The following NUP205 variants were observed in gnomAD, a reference collection of about 807,000 sequenced individuals.
The protein encoded by NUP205 is nucleoporin 205, also known as nuclear pore complex protein Nup205.
Under a neutral mutation model 253.8 loss-of-function variants are expected in NUP205, and 76 were observed. The observed-to-expected ratio is 0.30, with a 90% CI of 0.25 to 0.36. NUP205 has a LOEUF of 0.36. Among genes scored for constraint, NUP205 ranks in the 10% least tolerant of loss-of-function variants. The pLI is 1.00. For synonymous variants in NUP205, 832 were observed against 850.1 expected, an observed-to-expected ratio of 0.98 and a Z score of 0.37; for missense variants, 2,162 against 2,425.5, an observed-to-expected ratio of 0.89 and a Z score of 2.28.
intron 8 of NUP205, among the ~76,000 whole-genome samples, chr7:135,586,457 C>T (rs977587478): frequency 6.6e-6 from 1 of 151,958 alleles, no homozygotes; most frequent in African/African-American, 2.4e-5. Flanking sequence ...ATTTTCTTCC[C>T]TCTGCCTTGG....
In NUP205 at chr7:135,601,106, A is replaced by G. The variant is rs550962331; in HGVS notation, c.2374+137A>G. ...TTGTTTCATTGTTTTAATCATTTTA[A>G]TTTTTCTGTTCAAGAGAAAAAATTA... On this transcript the variant is annotated intron_variant, in intron 16 of 42. Coordinates refer to ENST00000285968, the MANE Select transcript of NUP205 (RefSeq NM_015135.3). 1.5e-5 allele frequency: 9 copies of G among 601,160 alleles called. No homozygotes were observed. The South Asian group carries it at 2.7e-4, about 18-fold the overall frequency. The allele number at this position is 601,160 out of a possible 1,614,324, so 37.2% of individuals were successfully genotyped here.
intron 22 of NUP205, 93 bp downstream of exon 22, chr7:135,607,464 T>G: frequency 1.5e-6 from 2 of 1,335,422 alleles, no homozygotes; most frequent in Non-Finnish European, 2.0e-6. Flanking sequence ...ACAGCAGGAC[T>G]TAGTTGAAAT....
chr7:135,634,951 G>C (rs1794780569), intron 35 of NUP205, among the ~76,000 whole-genome samples: 1 of 152,160 alleles, frequency 6.6e-6, no homozygotes, highest in African/African-American at 2.4e-5. Flanking sequence ...AATTTGAGTG[G>C]CTAGGATAGG....
chr7:135,631,395 GA>G (rs1447613642), intron 35 of NUP205, among the ~76,000 whole-genome samples: 1 of 152,110 alleles, frequency 6.6e-6, no homozygotes, highest in Non-Finnish European at 1.5e-5. Context: ...TGCGAGTAAG[GA>G]AAAACATTAT....
Position 135,604,412 on chromosome 7 carries a change from C to T in NUP205, c.2775C>T (p.Cys925=). The change falls in exon 19 of 43, where the codon TGC becomes TGT. Residue 925 remains cysteine (C), a synonymous_variant. Coordinates refer to ENST00000285968, the MANE Select transcript of NUP205 (RefSeq NM_015135.3). The part of the protein sequence containing the change: ...ESAKILCCIS[C]NSNIQIKLVG... ...CCAAGATCCTCTGTTGTATCTCTTG[C>T]AACTCTAATATTCAGATAAAGTTGG... The T allele has an allele frequency of 1.2e-6, 2 of 1,612,704 alleles. No homozygotes were observed. Among genetic ancestry groups the T allele is most frequent in the Non-Finnish European group, 8.5e-7 (1 of 1,179,144 alleles).
intron 10 of NUP205, among the ~76,000 whole-genome samples, chr7:135,589,095 CG>C (rs1563118366): frequency 6.7e-6 from 1 of 150,056 alleles, no homozygotes; most frequent in East Asian, 1.9e-4. Flanking sequence ...CGTTGAGCCC[CG>C]GGGTTTGAGG....
intron 28 of NUP205, 131 bp downstream of exon 28, chr7:135,618,734 CT>C (rs149087637): frequency 2.8e-6 from 2 of 721,262 alleles, no homozygotes; most frequent in African/African-American, 1.8e-5. Context: ...AACGTTAAGA[CT>C]TTCCTTGAGA....
chr7:135,599,226 A>C (rs747177808), intron 15 of NUP205, among the ~76,000 whole-genome samples: 25 of 152,056 alleles, frequency 1.6e-4, no homozygotes, highest in Non-Finnish European at 2.5e-4. Context: ...ATGTCCTAAG[A>C]TATTCTTTGA....
intron 36 of NUP205, among the ~76,000 whole-genome samples, chr7:135,637,331 C>T (rs1396067217): frequency 1.3e-5 from 2 of 152,232 alleles, no homozygotes; most frequent in Non-Finnish European, 2.9e-5. Flanking sequence ...CGGCTAACCT[C>T]TGGATATACT....
chr7:135,570,313 G>A (rs778832920), intron 1 of NUP205, among the ~76,000 whole-genome samples: 49 of 151,656 alleles, frequency 3.2e-4, no homozygotes, highest in Non-Finnish European at 6.3e-4. Flanking sequence ...TCCTGGGTTC[G>A]AGTGATTTCT....
At position 135,561,968 on chromosome 7, in the gene NUP205, A is replaced by G. The variant is rs995438980; in HGVS notation, c.28+3996A>G. Among the ~76,000 whole-genome samples, 91 of 149,362 alleles carry G rather than the reference A, an allele frequency of 6.1e-4. 1 individual carries two copies. Among genetic ancestry groups the G allele is most frequent in the Non-Finnish European group, 1.8e-4 (12 of 67,598 alleles). The stretch of plus-strand genomic sequence containing the variant: ...CCCTCCCTCACTCTGCCCAGGCTGG[A>G]GTGCAGTGGTGCAGTCTCGGCTCAC... On this transcript the variant is annotated intron_variant, in intron 1 of 42. Transcript: ENST00000285968.
rs887680563 is a variant in NUP205, at chr7:135,630,936, TG to T, written c.5059+467del. ...ACAAGACTCCGTCTCTGTTTTGTTT[TG>T]TTTTTTTTTTTTAAGATATAGGCTT... On this transcript the variant is annotated intron_variant, in intron 35 of 42. Transcript: ENST00000285968. Among the ~76,000 whole-genome samples the T allele has an allele frequency of 7.5e-5, 11 of 147,468 alleles. No homozygotes were observed. In the South Asian group the frequency reaches 1.6e-3, roughly 22 times the overall value.
chr7:135,631,950 C>T (rs1030439138), intron 35 of NUP205, among the ~76,000 whole-genome samples: 18 of 151,972 alleles, frequency 1.2e-4, no homozygotes, highest in African/African-American at 3.6e-4. Context: ...GGGGTTTCAC[C>T]GTGTTAGCCA....
At chr7:135,628,452 C>T (rs1262865527) in intron 34 of NUP205, among the ~76,000 whole-genome samples, 1 of 152,132 alleles carries the variant, frequency 6.6e-6, no homozygotes, top group Non-Finnish European at 1.5e-5. Context: ...GAGGGCTATG[C>T]TAGGCCTTGC....
At chr7:135,567,425 CAAAAAAAAA>C (rs760535798) in intron 1 of NUP205, among the ~76,000 whole-genome samples, 1 of 65,024 alleles carries the variant, frequency 1.5e-5, no homozygotes, top group Admixed American at 2.0e-4. Context: ...CTGTCTATAC[CAAAAAAAAA>C]AAAAAAAAAA....
rs202172825 is a variant in NUP205 at position 135,645,481 on chromosome 7, C to T, written c.5697C>T (p.Thr1899=). The T allele has an allele frequency of 1.6e-5, 26 of 1,613,682 alleles. No individual in the cohort carries two copies. In the Admixed American group the frequency reaches 3.2e-4, roughly 20 times the overall value. ...GCTCTGGTATAGTTATCATAGAGAC[C>T]TGCCTATTTATTCTTTGGCGCCATC... The part of the protein sequence containing the change: ...LLSLCSFIIE[T]CLFILWRHLE... Residue 1899 remains threonine (T), a synonymous_variant, in exon 41 of 43, where the codon ACC becomes ACT. Transcript: ENST00000285968.
At chr7:135,621,492 AT>A (rs1342292035) in intron 30 of NUP205, among the ~76,000 whole-genome samples, 1 of 152,190 alleles carries the variant, frequency 6.6e-6, no homozygotes, top group African/African-American at 2.4e-5. Flanking sequence ...CAAGATGCCA[AT>A]TTAAAAACTG....
chr7:135,618,546 T>C lies in NUP205; in HGVS notation c.3906T>C (p.Ile1302=), dbSNP rs774988574. The C allele has an allele frequency of 3.7e-5, 60 of 1,613,512 alleles. No homozygotes were observed. Among genetic ancestry groups the C allele is most frequent in the Non-Finnish European group, 5.0e-5 (59 of 1,179,832 alleles). ...IILTACPQDL[I]QAEDRQLIIR... is the part of the protein sequence containing the mutation. The stretch of plus-strand genomic sequence containing the variant: ...TGACAGCTTGTCCCCAGGACCTCAT[T>C]CAGGCAGAGGATCGACAACTGATTA... Residue 1302 remains isoleucine, a synonymous_variant, in exon 28 of 43, where the codon ATT becomes ATC. Coordinates refer to ENST00000285968, the MANE Select transcript of NUP205 (RefSeq NM_015135.3).
intron 3 of NUP205, 117 bp downstream of exon 3, chr7:135,573,942 AAAACCATATTCAAAATATT>A (rs1806076258): frequency 1.3e-6 from 1 of 798,424 alleles, no homozygotes; most frequent in East Asian, 2.7e-5. Context: ...GCAGTTTGGT[AAAACCATATTCAAAATATT>A]TCCTTTTTTA....
Sources: allele counts gnomAD v4.1 joint callset (sites outside exome capture counted in the v4.1 genomes callset), GRCh38; gene constraint gnomAD v4.1.1; transcripts MANE v1.5; gene names NCBI Gene and HGNC (gene_info 2026-07-23, HGNC 2026-07-21).